The following TENM1 variants were observed in gnomAD, a reference collection of about 807,000 sequenced individuals.
TENM1 encodes teneurin-1.
In TENM1, 35 loss-of-function variants were observed where a neutral mutation model predicts 174.8. The observed-to-expected ratio is 0.20, with a 90% CI of 0.15 to 0.27. The LOEUF (loss-of-function observed/expected upper bound fraction) is 0.27, where lower values mean the gene tolerates loss of function less well. TENM1 is among the 10% of genes least tolerant of loss of function. The probability of loss-of-function intolerance (pLI) is 1.00; values close to 1 mark genes in which losing one functional copy is unlikely to be tolerated. For missense variants in TENM1, 1,633 were observed against 2,130.1 expected (o/e 0.77, Z 4.59); for synonymous variants, 781 against 798.7 (o/e 0.98, Z 0.37).
intron 4 of TENM1, among the ~76,000 whole-genome samples, chrX:124,716,599 T>G (rs974549158): frequency 3.6e-5 from 4 of 112,276 alleles, no homozygotes; most frequent in Non-Finnish European, 7.5e-5. Context: ...ATTATTGCAT[T>G]GCCTTTCAAA....
At chrX:125,120,128 G>T in the TENM1 span, among the ~76,000 whole-genome samples, 1 of 111,556 alleles carries the variant, frequency 9.0e-6, no homozygotes, top group South Asian at 3.7e-4. Context: ...TTGAGTAAGA[G>T]ACTTTTTCCA....
intron 6 of TENM1, 46 bp downstream of exon 9, chrX:124,671,637 A>T: frequency 8.7e-7 from 1 of 1,151,527 alleles, no homozygotes; most frequent in Non-Finnish European, 1.2e-6. Context: ...CTAATGACCA[A>T]ATTAGAAGAA....
At chrX:124,680,982 C>A (rs1770090582) in intron 5 of TENM1, among the ~76,000 whole-genome samples, 2 of 111,333 alleles carry the variant, frequency 1.8e-5, no homozygotes, top group Non-Finnish European at 1.9e-5. Flanking sequence ...ACATACACAG[C>A]TATCTCTTCC....
At chrX:124,593,511 C>G (rs942822944) in intron 11 of TENM1, among the ~76,000 whole-genome samples, 16 of 110,954 alleles carry the variant, frequency 1.4e-4, no homozygotes, top group African/African-American at 5.3e-4. Context: ...GCTCAGGCTG[C>G]TAGTCTAGGC....
At chrX:124,404,952 TAAACAAAC>T (rs34194370) in intron 27 of TENM1, 71 bp downstream of exon 30, 132,987 of 870,540 alleles carry the variant, frequency 0.15, 8,081 homozygotes, top group Middle Eastern at 0.21. Flanking sequence ...GCTCTGCAGT[TAAACAAAC>T]AAACAAACAA....
At chrX:124,600,016 G>GTATA (rs200188371) in intron 11 of TENM1, among the ~76,000 whole-genome samples, 3 of 109,305 alleles carry the variant, frequency 2.7e-5, no homozygotes, top group African/African-American at 1.0e-4. Flanking sequence ...AAATTAGTAT[G>GTATA]TATATATATA....
chrX:124,651,066 T>C (rs2051296562), intron 8 of TENM1, among the ~76,000 whole-genome samples: 1 of 111,857 alleles, frequency 8.9e-6, no homozygotes, highest in Non-Finnish European at 1.9e-5. Context: ...GATAAAGTGG[T>C]GAGGATTGTA....
the TENM1 span, among the ~76,000 whole-genome samples, chrX:125,033,729 T>C: frequency 9.0e-6 from 1 of 110,553 alleles, no homozygotes; most frequent in Non-Finnish European, 1.9e-5. Flanking sequence ...TTTTTTTTTT[T>C]CCACATCCTC....
intron 4 of TENM1, among the ~76,000 whole-genome samples, chrX:124,727,728 A>G (rs918760403): frequency 1.8e-5 from 2 of 111,836 alleles, no homozygotes; most frequent in Admixed American, 9.5e-5. Flanking sequence ...CTAGAAAGGA[A>G]TAAAGCCAGT....
intron 19 of TENM1, among the ~76,000 whole-genome samples, chrX:124,498,195 C>G (rs1050742158): frequency 4.5e-5 from 5 of 111,390 alleles, no homozygotes; most frequent in Non-Finnish European, 9.4e-5. Flanking sequence ...TCTTTCCCCC[C>G]ATTCTTGAAA....
chrX:124,542,411 A>G (rs991904996), intron 15 of TENM1, among the ~76,000 whole-genome samples: 30 of 96,561 alleles, frequency 3.1e-4, no homozygotes, highest in African/African-American at 1.1e-3. Context: ...GAAACCCATC[A>G]TCTTGTTTCA....
intron 3 of TENM1, among the ~76,000 whole-genome samples, chrX:124,790,075 A>G: frequency 8.9e-6 from 1 of 111,810 alleles, no homozygotes. Context: ...GGATGGCAGT[A>G]GGCAAAAAGA....
intron 22 of TENM1, among the ~76,000 whole-genome samples, chrX:124,461,119 T>G (rs1306083577): frequency 1.8e-5 from 2 of 112,341 alleles, no homozygotes; most frequent in African/African-American, 3.2e-5. Context: ...AGACCTTCCA[T>G]GTGGTGGGGA....
intron 10 of TENM1, among the ~76,000 whole-genome samples, chrX:124,642,483 G>C (rs1199413632): frequency 8.9e-6 from 1 of 112,317 alleles, no homozygotes; most frequent in East Asian, 2.8e-4. Context: ...GGTGAATGCT[G>C]TTGCATGAAA....
At chrX:124,631,847 C>A (rs1233193174) in intron 11 of TENM1, among the ~76,000 whole-genome samples, 1 of 100,863 alleles carries the variant, frequency 9.9e-6, no homozygotes, top group Non-Finnish European at 2.0e-5. Context: ...TGAGATCAAG[C>A]CATTGCACTC....
chrX:124,980,945 G>A, the TENM1 span, among the ~76,000 whole-genome samples: 1 of 111,682 alleles, frequency 9.0e-6, no homozygotes, highest in Non-Finnish European at 1.9e-5. Context: ...TAAAAGTTTT[G>A]GATGGAAAAT....
chrX:124,809,685 C>T (rs896718854), intron 3 of TENM1, among the ~76,000 whole-genome samples: 15 of 110,771 alleles, frequency 1.4e-4, no homozygotes, highest in Admixed American at 1.1e-3. Context: ...TTAATCCTCA[C>T]GCTGCTATAA....
At chrX:125,127,902 T>C in the TENM1 span, among the ~76,000 whole-genome samples, 1 of 111,280 alleles carries the variant, frequency 9.0e-6, no homozygotes, top group African/African-American at 3.3e-5. Context: ...GAAGAGGTAG[T>C]TAGGCAGAGA....
At chrX:124,831,522 G>C (rs991027366) in intron 3 of TENM1, among the ~76,000 whole-genome samples, 1 of 111,890 alleles carries the variant, frequency 8.9e-6, no homozygotes, top group African/African-American at 3.2e-5. Flanking sequence ...TTATCCAATG[G>C]TCCAGAGAAA....
Sources: allele counts gnomAD v4.1 joint callset (sites outside exome capture counted in the v4.1 genomes callset), GRCh38; gene constraint gnomAD v4.1.1; transcripts MANE v1.5; gene names NCBI Gene and HGNC (gene_info 2026-07-23, HGNC 2026-07-21).